PIKFYVE: variants seen among roughly 807,000 people sequenced by gnomAD.
PIKFYVE encodes the protein phosphoinositide kinase, FYVE-type zinc finger containing.
Under a neutral mutation model 257.9 loss-of-function variants are expected in PIKFYVE, and 122 were observed. The ratio of observed to expected loss-of-function variants is 0.47; its 90% confidence interval spans 0.41 to 0.55. The LOEUF is 0.55. Among genes scored for constraint, PIKFYVE ranks in the 20% least tolerant of loss-of-function variants. The probability of loss-of-function intolerance (pLI) is 0.00; values close to 1 mark genes in which losing one functional copy is unlikely to be tolerated. For synonymous variants in PIKFYVE, 892 were observed against 868.9 expected (o/e 1.03, Z -0.47); for missense variants, 2,160 against 2,536.6 (o/e 0.85, Z 3.19).
At chr2:208,267,105 A>G (rs550961386) in intron 1 of PIKFYVE, among the ~76,000 whole-genome samples, 1 of 152,356 alleles carries the variant, frequency 6.6e-6, no homozygotes, top group South Asian at 2.1e-4. Flanking sequence ...AAAGCAAGTT[A>G]TTCGTGTGTA....
chr2:208,281,100 T>G (rs566100971), intron 5 of PIKFYVE, among the ~76,000 whole-genome samples: 1 of 152,242 alleles, frequency 6.6e-6, no homozygotes, highest in Non-Finnish European at 1.5e-5. Context: ...CACAAATTTA[T>G]TTCTCATAGT....
intron 7 of PIKFYVE, among the ~76,000 whole-genome samples, chr2:208,291,159 T>C (rs746874551): frequency 4.6e-5 from 7 of 152,166 alleles, no homozygotes; most frequent in Non-Finnish European, 1.5e-5. Flanking sequence ...CTCTTTATCA[T>C]GTTGGGGAAG....
intron 25 of PIKFYVE, 73 bp downstream of exon 25, chr2:208,335,492 T>C: frequency 2.4e-6 from 3 of 1,250,312 alleles, no homozygotes; most frequent in Admixed American, 1.9e-5. Flanking sequence ...TTATTCATTT[T>C]ATTTTCTTTG....
In PIKFYVE at chr2:208,312,310, A is replaced by G; in HGVS notation, c.1696+15A>G. On this transcript the variant is annotated intron_variant, in intron 13 of 41. Transcript: ENST00000264380. ...TTTCATCAAAGGTAATTTTATAAAA[A>G]GCTGTATGTGGAATGGTGTCTCTTT... 2 of 1,588,642 alleles carry G rather than the reference A, an allele frequency of 1.3e-6. No individual in the cohort carries two copies. The highest frequency in any genetic ancestry group is 2.2e-5 in the South Asian group (2 of 89,342).
chr2:208,276,049 CTGTGGGGT>C (rs1464327441), intron 3 of PIKFYVE, among the ~76,000 whole-genome samples: 1 of 152,044 alleles, frequency 6.6e-6, no homozygotes, highest in Non-Finnish European at 1.5e-5. Context: ...CTATTTGGAG[CTGTGGGGT>C]TGGGGAAGTG....
At chr2:208,347,774 A>G (rs1011974220) in intron 34 of PIKFYVE, 85 bp from the exon 35 acceptor site, 5 of 1,205,620 alleles carry the variant, frequency 4.1e-6, no homozygotes, top group South Asian at 2.6e-5. Context: ...AGTGGTTACA[A>G]CTAACAAAGA....
chr2:208,290,448 T>C (rs1692165968), intron 7 of PIKFYVE, among the ~76,000 whole-genome samples: 1 of 152,250 alleles, frequency 6.6e-6, no homozygotes, highest in Non-Finnish European at 1.5e-5. Flanking sequence ...TTTCCATAGC[T>C]TGATAGCTCA....
rs1350471478 is a variant in PIKFYVE, at chr2:208,312,234, A to G, written c.1637-2A>G. The G allele has an allele frequency of 1.9e-6, 3 of 1,608,304 alleles. No individual in the cohort carries two copies. In the African/African-American group the frequency reaches 4.0e-5, roughly 22 times the overall value. On this transcript the variant is annotated splice_acceptor_variant, in intron 12 of 41. Transcript: ENST00000264380. LOFTEE classifies it high-confidence loss of function. Reference sequence around the variant, plus strand: ...CCTCTCTGTTGTCTCCCTGGTATGCAGAGTATTTGATTTCTGACACTGGAG... The same window carrying G: ...CCTCTCTGTTGTCTCCCTGGTATGCGGAGTATTTGATTTCTGACACTGGAG...
chr2:208,269,072 T>C (rs1243817753), intron 1 of PIKFYVE, among the ~76,000 whole-genome samples: 1 of 152,090 alleles, frequency 6.6e-6, no homozygotes, highest in East Asian at 1.9e-4. Context: ...AAAGGTAAAA[T>C]GTCATAAAGC....
chr2:208,335,848 A>G lies in PIKFYVE; in HGVS notation c.4312A>G (p.Thr1438Ala). 1 of 1,613,148 alleles carries G rather than the reference A, an allele frequency of 6.2e-7. No homozygotes were observed. ...DERLASLKTDTFSKTREEKME... is the reference protein window; with the variant it reads ...DERLASLKTDAFSKTREEKME... ...AAGACTTGCATCTTTGAAAACTGAT[A>G]CATTTAGTAAAACAAGAGAGGAAAA... The change falls in exon 26 of 42, where the codon ACA (threonine) becomes GCA (alanine). Residue 1438 changes from threonine (T) to alanine (A), a missense_variant. Thr to Ala is a moderately conservative substitution (Grantham distance 58). This residue lies in a region of PIKFYVE where 699 missense variants were observed against 855.8 expected (regional missense o/e 0.82). Coordinates refer to ENST00000264380, the MANE Select transcript of PIKFYVE (RefSeq NM_015040.4).
At chr2:208,275,946 G>C (rs1264669168) in intron 3 of PIKFYVE, among the ~76,000 whole-genome samples, 2 of 152,180 alleles carry the variant, frequency 1.3e-5, no homozygotes, top group East Asian at 1.9e-4. Context: ...ACTTTGGTGG[G>C]CATACCCTAT....
chr2:208,271,769 T>A, intron 2 of PIKFYVE, 78 bp downstream of exon 2: 1 of 1,383,080 alleles, frequency 7.2e-7, no homozygotes. Context: ...TGGCTCACCA[T>A]GATCATATAG....
At chr2:208,352,555 A>T (rs1699871076) in intron 38 of PIKFYVE, 99 bp from the exon 39 acceptor site, 6 of 1,401,642 alleles carry the variant, frequency 4.3e-6, no homozygotes. Context: ...ATATTAATAG[A>T]AAATTATGTT....
In PIKFYVE at chr2:208,314,312, G is replaced by A. The variant is rs146158348; in HGVS notation, c.1715G>A (p.Arg572Gln). Reference protein sequence around the residue: ...AFIKESLFNRRVEEKSKELPF... With the variant: ...AFIKESLFNRQVEEKSKELPF... ...TACTTAGAATCCTTATTTAATCGCC[G>A]AGTAGAGGAAAAATCCAAAGAGCTG... The change falls in exon 14 of 42, where the codon CGA (arginine) becomes CAA (glutamine). Residue 572 changes from arginine (R) to glutamine (Q), a missense_variant. By Grantham distance (43) the Arg-to-Gln change is conservative. Coordinates refer to ENST00000264380, the MANE Select transcript of PIKFYVE (RefSeq NM_015040.4). The A allele has an allele frequency of 1.4e-3, 2,270 of 1,613,294 alleles. No individual in the cohort carries two copies. The highest frequency in any genetic ancestry group is 1.7e-3 in the Non-Finnish European group (1,965 of 1,179,400).
In PIKFYVE at chr2:208,298,606, A is replaced by G. The variant is rs774224133; in HGVS notation, c.912-35A>G. 2.7e-5 allele frequency: 43 copies of G among 1,612,004 alleles called. No individual in the cohort carries two copies. In the South Asian group the frequency reaches 4.4e-4, roughly 16 times the overall value. On this transcript the variant is annotated intron_variant, in intron 7 of 41. Transcript: ENST00000264380. ...AATTCTGTTTATTGAAGAAGAATTT[A>G]CACCTGTGATTTCACTTCTTGTTTT...
At chr2:208,267,244 C>T (rs77376817) in intron 1 of PIKFYVE, among the ~76,000 whole-genome samples, 1 of 152,082 alleles carries the variant, frequency 6.6e-6, no homozygotes, top group African/African-American at 2.4e-5. Context: ...ATTTGAGCCC[C>T]TTTTTTGGCA....
At chr2:208,342,508 A>G in intron 31 of PIKFYVE, 46 bp from the exon 32 acceptor site, 3 of 1,401,346 alleles carry the variant, frequency 2.1e-6, no homozygotes, top group Non-Finnish European at 3.0e-6. Context: ...TATATTCTTA[A>G]CTCTAGAGTA....
At chr2:208,276,366 A>G (rs995365245) in intron 3 of PIKFYVE, among the ~76,000 whole-genome samples, 14 of 152,086 alleles carry the variant, frequency 9.2e-5, no homozygotes, top group African/African-American at 3.1e-4. Context: ...AATTTCTAGC[A>G]TGCATTTATT....
chr2:208,346,263 C>G (rs2125770367), intron 34 of PIKFYVE, 116 bp downstream of exon 34: 1 of 836,088 alleles, frequency 1.2e-6, no homozygotes, highest in East Asian at 2.7e-5. Context: ...TACTTATGAT[C>G]TCTGAAATAC....
Sources: allele counts gnomAD v4.1 joint callset (sites outside exome capture counted in the v4.1 genomes callset), GRCh38; gene constraint gnomAD v4.1.1; regional missense constraint gnomAD v4.1.1; transcripts MANE v1.5; gene names NCBI Gene and HGNC (gene_info 2026-07-23, HGNC 2026-07-21).